Variants in RGS3 observed in about 807,000 individuals in gnomAD.
RGS3 encodes regulator of G-protein signalling 3.
A neutral mutation model predicts 132.6 loss-of-function variants in RGS3; 80 were observed. The ratio of observed to expected loss-of-function variants is 0.60; its 90% CI spans 0.50 to 0.73. RGS3 has a LOEUF of 0.73. Ranked by LOEUF, RGS3 falls within the 30% of genes least tolerant of loss-of-function variation. The probability of loss-of-function intolerance (pLI) is 0.00; values close to 1 mark genes in which losing one functional copy is unlikely to be tolerated. For synonymous variants in RGS3, 598 were observed against 620.6 expected (o/e 0.96, Z 0.54); for missense variants, 1,382 against 1,530.8 (o/e 0.90, Z 1.62).
chr9:113,501,580 A>T (rs1285730242), intron 10 of RGS3: 1 of 1,554,064 alleles, frequency 6.4e-7, no homozygotes, highest in Admixed American at 1.9e-5. Flanking sequence ...CGCAGCCATG[A>T]ACCGCTTCAA....
chr9:113,521,129 A>G (rs372387105), intron 16 of RGS3, among the ~76,000 whole-genome samples: 4 of 152,256 alleles, frequency 2.6e-5, no homozygotes, highest in African/African-American at 9.6e-5. Context: ...CTGCACTGAG[A>G]CAGGGCTGTG....
chr9:113,561,702 C>T (rs1033968591), intron 19 of RGS3, among the ~76,000 whole-genome samples: 3 of 151,504 alleles, frequency 2.0e-5, no homozygotes, highest in African/African-American at 4.9e-5. Context: ...ATTACATGCT[C>T]GTGATGGGGT....
chr9:113,585,624 G>T lies in RGS3; in HGVS notation c.3015+1197G>T, dbSNP rs1588292689. On this transcript the variant is annotated intron_variant, in intron 20 of 24. Transcript: ENST00000350696. Reference sequence around the variant, plus strand: ...CAGCTTGGCCTTGAAGGATGAACAGGATTAGAATAAACAGAGAGGTAGAGG... The same window carrying T: ...CAGCTTGGCCTTGAAGGATGAACAGTATTAGAATAAACAGAGAGGTAGAGG... Among the ~76,000 whole-genome samples the T allele has an allele frequency of 2.0e-5, 3 of 152,340 alleles. No homozygotes were observed. The East Asian group carries it at 5.8e-4, about 29-fold the overall frequency.
intron 10 of RGS3, among the ~76,000 whole-genome samples, chr9:113,501,092 C>A (rs1012835978): frequency 6.6e-6 from 1 of 152,144 alleles, no homozygotes; most frequent in East Asian, 1.9e-4. Context: ...TGCAAACCCC[C>A]CCAAGGTATC....
intron 19 of RGS3, chr9:113,582,052 G>T: frequency 1.0e-6 from 1 of 985,334 alleles, no homozygotes; most frequent in South Asian, 4.7e-5. Context: ...TTTCACATCC[G>T]CTCACATCTG....
At position 113,445,652 on chromosome 9, in the gene RGS3, G is replaced by T. The variant is rs542778294; in HGVS notation, c.-13+725G>T. ...GATTTGGTATTGGTCCCAACCTCTGGGGTGACATATGCTGTTCTTCATTGA... is the reference window on the plus strand; with the variant it reads ...GATTTGGTATTGGTCCCAACCTCTGTGGTGACATATGCTGTTCTTCATTGA... On this transcript the variant is annotated intron_variant, in intron 1 of 25. Transcript: ENST00000374140. Among the ~76,000 whole-genome samples, 4 of 152,182 alleles carry T rather than the reference G, an allele frequency of 2.6e-5. No individual in the cohort carries two copies. In the South Asian group the frequency reaches 8.3e-4, roughly 32 times the overall value.
chr9:113,582,781 T>TA (rs1455562744), intron 19 of RGS3: 1 of 152,312 alleles, frequency 6.6e-6, no homozygotes, highest in Non-Finnish European at 1.5e-5. Flanking sequence ...CCAAGCAGTT[T>TA]AAAAATCCCT....
chr9:113,489,928 C>G (rs1038905306), intron 7 of RGS3, among the ~76,000 whole-genome samples: 1 of 152,130 alleles, frequency 6.6e-6, no homozygotes, highest in Non-Finnish European at 1.5e-5. Flanking sequence ...CTAATTCTCA[C>G]GATCCTTCCA....
At chr9:113,562,951 G>T (rs963973812) in intron 19 of RGS3, among the ~76,000 whole-genome samples, 1 of 152,192 alleles carries the variant, frequency 6.6e-6, no homozygotes, top group African/African-American at 2.4e-5. Context: ...CCCCTATCCT[G>T]CCCTAGGCTA....
chr9:113,580,832 G>A (rs1588283628), intron 19 of RGS3: 1 of 985,718 alleles, frequency 1.0e-6, no homozygotes, highest in Middle Eastern at 5.2e-4. Flanking sequence ...CCAAGGGGTG[G>A]GCGGGCTCTG....
At chr9:113,476,644 C>T (rs1023187354) in intron 3 of RGS3, among the ~76,000 whole-genome samples, 1 of 152,224 alleles carries the variant, frequency 6.6e-6, no homozygotes, top group Non-Finnish European at 1.5e-5. Context: ...CCCGAGTCAG[C>T]CTTTGCCCCT....
chr9:113,588,618 C>T (rs762726836), intron 20 of RGS3, among the ~76,000 whole-genome samples: 1 of 152,242 alleles, frequency 6.6e-6, no homozygotes, highest in African/African-American at 2.4e-5. Flanking sequence ...CTCTTAGAAT[C>T]GTTGCCAAGA....
Position 113,565,903 on chromosome 9 carries a change from GTGTGTGTGTGTGTC to G in RGS3, c.2038-17543_2038-17530del, listed in dbSNP as rs762460066. Among the ~76,000 whole-genome samples the G allele has an allele frequency of 4.7e-3, 699 of 150,002 alleles. 2 individuals are homozygous for G. The highest frequency in any genetic ancestry group is 0.01 in the Middle Eastern group (3 of 290). On this transcript the variant is annotated intron_variant, in intron 19 of 24. Coordinates refer to ENST00000350696, the Ensembl canonical transcript of RGS3. This position sits in a 1 kb window ranked among gnomAD's most constrained non-coding sequence, Gnocchi z 5.7. ...TGTGTGTGTGTGTGTGTGTGTGTGT[GTGTGTGTGTGTGTC>G]TGTCTGTCTGTCTGTCTCAGGGGCT...
chr9:113,501,225 G>T (rs563042319), intron 10 of RGS3: 46 of 328,820 alleles, frequency 1.4e-4, no homozygotes, highest in Non-Finnish European at 2.5e-4. Context: ...CCAGTGAGGG[G>T]TGTTTGTGAG....
Position 113,507,398 on chromosome 9 carries a change from C to T in RGS3, c.1197C>T (p.Leu399=), listed in dbSNP as rs1448362351. ...CCTCCTGCAAGTCGACACATGACCT[C>T]CAGTCACCCCCCAACAAACGGGAGA... The change falls in exon 13 of 25, where the codon CTC becomes CTT. Residue 399 remains leucine (L), a synonymous_variant. Transcript: ENST00000350696. This position sits in a 1 kb window ranked among gnomAD's most constrained non-coding sequence, Gnocchi z 5.0. 5.0e-6 allele frequency: 8 copies of T among 1,613,900 alleles called. No individual in the cohort carries two copies. Among genetic ancestry groups the T allele is most frequent in the East Asian group, 2.2e-5 (1 of 44,888 alleles).
At chr9:113,573,027 T>C (rs1348217773) in intron 19 of RGS3, among the ~76,000 whole-genome samples, 1 of 152,258 alleles carries the variant, frequency 6.6e-6, no homozygotes, top group Non-Finnish European at 1.5e-5. Context: ...AAATTGCAGA[T>C]GCTTATTGAG....
chr9:113,458,042 AAAT>A (rs1829399390), upstream of RGS3, among the ~76,000 whole-genome samples: 1 of 152,204 alleles, frequency 6.6e-6, no homozygotes, highest in South Asian at 2.1e-4. Flanking sequence ...ATAGATGTAA[AAAT>A]ACTAATAAAA....
chr9:113,510,245 GGTCGCT>G (rs1323874051), intron 14 of RGS3, among the ~76,000 whole-genome samples: 3 of 152,202 alleles, frequency 2.0e-5, no homozygotes, highest in African/African-American at 7.2e-5. Flanking sequence ...ATCTCATCCA[GGTCGCT>G]GCAAATGCCG....
chr9:113,504,497 C>T (rs1442690279), intron 10 of RGS3, among the ~76,000 whole-genome samples: 1 of 152,208 alleles, frequency 6.6e-6, no homozygotes, highest in African/African-American at 2.4e-5. Context: ...TACCATGTGC[C>T]AAGCATGGCG....
Sources: gnomAD v4.1 joint callset for allele counts (sites outside exome capture counted in the v4.1 genomes callset) on GRCh38, gnomAD v4.1.1 for gene constraint, Gnocchi (gnomAD v3.1) non-coding constraint, MANE v1.5 for transcripts, NCBI Gene and HGNC (gene_info 2026-07-23, HGNC 2026-07-21) for gene names.